GTF2E2: variants seen among roughly 807,000 people sequenced by gnomAD.
GTF2E2 encodes the protein transcription initiation factor IIE subunit beta.
In GTF2E2, 21 loss-of-function variants were observed where a neutral mutation model predicts 40.5. The ratio of observed to expected loss-of-function variants is 0.52; its 90% CI spans 0.37 to 0.75. The LOEUF (loss-of-function observed/expected upper bound fraction) is 0.75. GTF2E2 is among the 30% of genes least tolerant of loss of function. The probability of loss-of-function intolerance (pLI) is 0.00; values close to 1 mark genes in which losing one functional copy is unlikely to be tolerated. For missense variants in GTF2E2, 298 were observed against 338.4 expected, an observed-to-expected ratio of 0.88 and a Z score of 0.94; for synonymous variants, 117 against 121.6, an observed-to-expected ratio of 0.96 and a Z score of 0.25.
At chr8:30,588,808 G>C (rs1226191072) in intron 6 of GTF2E2, among the ~76,000 whole-genome samples, 1 of 152,212 alleles carries the variant, frequency 6.6e-6, no homozygotes, top group Admixed American at 6.6e-5. Flanking sequence ...TGAGTATCCA[G>C]AAGTGCAGCC....
rs372997079 is a variant in GTF2E2, at chr8:30,601,983, C to G, written c.643+5074G>C. Among the ~76,000 whole-genome samples, 8 of 151,736 alleles carry G rather than the reference C, an allele frequency of 5.3e-5. No homozygotes were observed. The East Asian group carries it at 1.4e-3, about 26-fold the overall frequency. On this transcript the variant is annotated intron_variant, in intron 6 of 7. Transcript: ENST00000355904. Reference sequence around the variant, plus strand: ...GTTTCAATTCCATTCCATTTACATTCTAGGGTAACTGCCTGAGCACTTATA... The same window carrying G: ...GTTTCAATTCCATTCCATTTACATTGTAGGGTAACTGCCTGAGCACTTATA...
intron 6 of GTF2E2, among the ~76,000 whole-genome samples, chr8:30,597,905 CCAATAAAG>C (rs1366952516): frequency 1.6e-4 from 25 of 152,104 alleles, no homozygotes; most frequent in African/African-American, 6.0e-4. Context: ...CTCTGTAATC[CCAATAAAG>C]CATGCAAAAT....
intron 3 of GTF2E2, among the ~76,000 whole-genome samples, chr8:30,618,929 A>C (rs1317240633): frequency 6.6e-6 from 1 of 152,118 alleles, no homozygotes; most frequent in Non-Finnish European, 1.5e-5. Flanking sequence ...AATTTTGATA[A>C]ACTATTTTCT....
At chr8:30,641,397 C>A (rs1203745748) in intron 2 of GTF2E2, among the ~76,000 whole-genome samples, 6 of 152,202 alleles carry the variant, frequency 3.9e-5, no homozygotes, top group African/African-American at 1.4e-4. Context: ...GGGTCTCACT[C>A]TATCACCCAG....
rs1331023288 is a variant in GTF2E2, at chr8:30,653,502, A to G, written c.97T>C (p.Ser33Pro). The G allele has an allele frequency of 6.2e-7, 1 of 1,613,636 alleles. No individual in the cohort carries two copies. Among genetic ancestry groups the G allele is most frequent in the Admixed American group, 1.7e-5 (1 of 60,022 alleles). ...GTTTTCTTCTTCTTTGACGATGATG[A>G]TGATGACTCAGAAGATGCTGAACGT... ...EKRSASSESSSSSSKKKKTKV... is the reference protein window; with the variant it reads ...EKRSASSESSPSSSKKKKTKV... Residue 33 changes from serine to proline, a missense_variant, in exon 2 of 8, where the codon TCA (serine) becomes CCA (proline). Physicochemically the swap from Ser to Pro is moderately conservative, Grantham distance 74. Coordinates refer to ENST00000355904, the MANE Select transcript of GTF2E2 (RefSeq NM_002095.6).
rs138569990 is a variant in GTF2E2, at chr8:30,641,029, T to C, written c.167-5906A>G. 2.6e-5 allele frequency among the ~76,000 whole-genome samples: 4 copies of C among 152,314 alleles called. No individual in the cohort carries two copies. The East Asian group carries it at 5.8e-4, about 22-fold the overall frequency. ...TGCATGCTTAATTATGCCTAATCCA[T>C]GAAAGTAAGATTTAGCCTTTACCCT... On this transcript the variant is annotated intron_variant, in intron 2 of 7. Transcript: ENST00000355904.
At chr8:30,645,656 A>T (rs1374979562) in intron 2 of GTF2E2, 2 of 1,451,000 alleles carry the variant, frequency 1.4e-6, no homozygotes, top group Non-Finnish European at 9.1e-7. Flanking sequence ...TGAGAAAAAA[A>T]ATATATTCTG....
chr8:30,607,549 G>A (rs1338974061), intron 5 of GTF2E2, among the ~76,000 whole-genome samples: 1 of 152,196 alleles, frequency 6.6e-6, no homozygotes. Context: ...AGAAAGTACA[G>A]GGACTATAGG....
chr8:30,621,279 G>A (rs1801093853), intron 3 of GTF2E2, among the ~76,000 whole-genome samples: 1 of 151,840 alleles, frequency 6.6e-6, no homozygotes, highest in Non-Finnish European at 1.5e-5. Flanking sequence ...AAAAATAAAT[G>A]GAATTATTGG....
chr8:30,621,182 A>ATT (rs374402693), intron 3 of GTF2E2, among the ~76,000 whole-genome samples: 5 of 152,224 alleles, frequency 3.3e-5, no homozygotes, highest in African/African-American at 1.2e-4. Flanking sequence ...GTACAAAATT[A>ATT]CCAAAAGGCC....
intron 3 of GTF2E2, among the ~76,000 whole-genome samples, chr8:30,622,689 A>G (rs1367159692): frequency 6.6e-6 from 1 of 151,980 alleles, no homozygotes; most frequent in Non-Finnish European, 1.5e-5. Flanking sequence ...AGATGGCCAC[A>G]GCCAGGGGGG....
At chr8:30,596,954 C>T (rs930823412) in intron 6 of GTF2E2, 4 of 152,542 alleles carry the variant, frequency 2.6e-5, no homozygotes, top group African/African-American at 7.2e-5. Context: ...GTTCGACCTT[C>T]AGCTTTTTTG....
At chr8:30,648,363 A>C (rs1802166939) in intron 2 of GTF2E2, among the ~76,000 whole-genome samples, 1 of 152,256 alleles carries the variant, frequency 6.6e-6, no homozygotes, top group Non-Finnish European at 1.5e-5. Context: ...AACATGATCT[A>C]ATGAGAAAAA....
intron 6 of GTF2E2, among the ~76,000 whole-genome samples, chr8:30,587,892 A>AC (rs1345341205): frequency 3.3e-5 from 5 of 151,430 alleles, no homozygotes; most frequent in Admixed American, 1.3e-4. Flanking sequence ...AAAAAAAAAA[A>AC]ACCACACAAA....
intron 2 of GTF2E2, chr8:30,643,488 T>C (rs1367709418): frequency 6.6e-6 from 1 of 152,182 alleles, no homozygotes; most frequent in Non-Finnish European, 1.5e-5. Context: ...AAAACCCGTT[T>C]CTACTAAAAA....
At chr8:30,611,029 G>C (rs1389646820) in intron 5 of GTF2E2, among the ~76,000 whole-genome samples, 1 of 152,156 alleles carries the variant, frequency 6.6e-6, no homozygotes, top group African/African-American at 2.4e-5. Context: ...AAATCCTGTT[G>C]CAAGTACAAC....
intron 2 of GTF2E2, among the ~76,000 whole-genome samples, chr8:30,639,391 G>T (rs1801728776): frequency 6.6e-6 from 1 of 151,930 alleles, no homozygotes; most frequent in African/African-American, 2.4e-5. Flanking sequence ...TTTCATTTTT[G>T]ATATCAATTT....
intron 2 of GTF2E2, chr8:30,637,142 C>T: frequency 4.5e-6 from 2 of 446,950 alleles, no homozygotes; most frequent in Non-Finnish European, 8.9e-6. Flanking sequence ...AATAAACAGC[C>T]TTTACACAGA....
At chr8:30,597,455 T>TC (rs1248731794) in intron 6 of GTF2E2, 2 of 152,086 alleles carry the variant, frequency 1.3e-5, no homozygotes, top group African/African-American at 2.4e-5. Context: ...GGATACAAAC[T>TC]CCCCCTGTGT....
Sources: gnomAD v4.1 joint callset for allele counts (sites outside exome capture counted in the v4.1 genomes callset) on GRCh38, gnomAD v4.1.1 for gene constraint, MANE v1.5 for transcripts, NCBI Gene and HGNC (gene_info 2026-07-23, HGNC 2026-07-21) for gene names.